The following GSG1L variants were observed in gnomAD, a reference collection of about 807,000 sequenced individuals.
GSG1L encodes GSG1 like.
Under a neutral mutation model 42.1 loss-of-function variants are expected in GSG1L, and 24 were observed. The observed-to-expected ratio is 0.57, with a 90% CI of 0.41 to 0.80. GSG1L has a LOEUF of 0.80. GSG1L is among the 30% of genes least tolerant of loss of function. The pLI is 0.00. For synonymous variants in GSG1L, 215 were observed against 203.5 expected (o/e 1.06, Z -0.48); for missense variants, 445 against 472.2 (o/e 0.94, Z 0.53).
chr16:27,924,141 C>A (rs932299400), intron 2 of GSG1L, among the ~76,000 whole-genome samples: 2 of 151,322 alleles, frequency 1.3e-5, no homozygotes, highest in Non-Finnish European at 2.9e-5. Flanking sequence ...CACATAAATG[C>A]TTATAAAAAT....
chr16:28,000,234 A>G (rs970948817), intron 1 of GSG1L, among the ~76,000 whole-genome samples: 1 of 152,218 alleles, frequency 6.6e-6, no homozygotes, highest in Admixed American at 6.5e-5. Context: ...TTGGGAGGCC[A>G]AGGTGGGAGG....
chr16:28,007,336 A>G (rs2085652818), intron 1 of GSG1L, among the ~76,000 whole-genome samples: 1 of 152,164 alleles, frequency 6.6e-6, no homozygotes, highest in Non-Finnish European at 1.5e-5. Flanking sequence ...GATACCAGAC[A>G]AGGAGTATAA....
intron 1 of GSG1L, among the ~76,000 whole-genome samples, chr16:28,016,803 A>G (rs779752767): frequency 2.7e-4 from 41 of 152,150 alleles, no homozygotes; most frequent in Admixed American, 9.2e-4. Flanking sequence ...AGAAGGGGAG[A>G]TTGACGCTCA....
chr16:27,869,354 G>A (rs904457098), intron 3 of GSG1L, among the ~76,000 whole-genome samples: 1 of 151,604 alleles, frequency 6.6e-6, no homozygotes, highest in East Asian at 1.9e-4. Flanking sequence ...TATAGCAGGT[G>A]CTCAGTAAAT....
At chr16:27,918,675 A>G (rs977906618) in intron 2 of GSG1L, among the ~76,000 whole-genome samples, 5 of 152,010 alleles carry the variant, frequency 3.3e-5, no homozygotes, top group African/African-American at 4.8e-5. Context: ...AAGAAAAAAA[A>G]AAAGAAAGAA....
At chr16:27,892,569 G>T (rs979282987) in intron 2 of GSG1L, among the ~76,000 whole-genome samples, 11 of 152,204 alleles carry the variant, frequency 7.2e-5, no homozygotes, top group African/African-American at 2.6e-4. Context: ...TTTGAGACCA[G>T]CCTGGTCAAC....
chr16:27,894,275 T>C (rs900736618), intron 2 of GSG1L, among the ~76,000 whole-genome samples: 10 of 152,242 alleles, frequency 6.6e-5, no homozygotes, highest in Non-Finnish European at 1.0e-4. Context: ...GGACAACACC[T>C]GTCCTGTCTA....
At chr16:27,796,590 C>T (rs758816100) in intron 6 of GSG1L, among the ~76,000 whole-genome samples, 4 of 152,154 alleles carry the variant, frequency 2.6e-5, no homozygotes, top group Non-Finnish European at 5.9e-5. Context: ...AATGAGTGAA[C>T]GGTGGAGGGC....
intron 4 of GSG1L, among the ~76,000 whole-genome samples, chr16:27,840,464 C>T (rs2083368020): frequency 6.6e-6 from 1 of 152,124 alleles, no homozygotes; most frequent in Admixed American, 6.5e-5. Context: ...CCATCAGGGT[C>T]CTGACCTGAC....
chr16:28,034,211 A>ACCCATCCCATCCCAT (rs58679825), intron 1 of GSG1L, among the ~76,000 whole-genome samples: 2 of 54,008 alleles, frequency 3.7e-5, no homozygotes, highest in Non-Finnish European at 6.9e-5. Flanking sequence ...TCCCATCCCA[A>ACCCATCCCATCCCAT]CCCATCCCAT....
At chr16:28,020,298 A>G (rs2085827416) in intron 1 of GSG1L, among the ~76,000 whole-genome samples, 1 of 152,172 alleles carries the variant, frequency 6.6e-6, no homozygotes, top group African/African-American at 2.4e-5. Context: ...GCTGCTATTC[A>G]TGATCATTGT....
chr16:27,886,462 G>A lies in GSG1L; in HGVS notation c.398-1824C>T, dbSNP rs570483377. Among the ~76,000 whole-genome samples, 3 of 152,204 alleles carry A rather than the reference G, an allele frequency of 2.0e-5. No homozygotes were observed. In the South Asian group the frequency reaches 6.2e-4, roughly 32 times the overall value. ...CTCAAAAAATAAAAAAATAAAATGG[G>A]GGTAATAACGCCTGTCTTGCAGTGT... On this transcript the variant is annotated intron_variant, in intron 2 of 6. Transcript: ENST00000447459.
At chr16:27,923,431 C>T (rs1391790842) in intron 2 of GSG1L, among the ~76,000 whole-genome samples, 1 of 152,188 alleles carries the variant, frequency 6.6e-6, no homozygotes, top group African/African-American at 2.4e-5. Flanking sequence ...AAATCCTCAC[C>T]AGTGCATGCA....
chr16:27,912,357 C>T (rs2084402043), intron 2 of GSG1L, among the ~76,000 whole-genome samples: 1 of 152,068 alleles, frequency 6.6e-6, no homozygotes, highest in Admixed American at 6.5e-5. Context: ...CTACTAAAAA[C>T]ATTCTTTTAA....
intron 6 of GSG1L, among the ~76,000 whole-genome samples, chr16:27,807,206 C>G (rs962292811): frequency 6.6e-6 from 1 of 152,214 alleles, no homozygotes; most frequent in African/African-American, 2.4e-5. Flanking sequence ...CTAACCCAGG[C>G]CTGGCCTTGA....
rs548287645 is a variant in GSG1L, at chr16:27,954,188, C to T, written c.397+8968G>A. On this transcript the variant is annotated intron_variant, in intron 2 of 6. Transcript: ENST00000447459. The stretch of plus-strand genomic sequence containing the variant: ...ATTGAACATGGGGCTGAACCAAAGG[C>T]CACTGCTCTCTTTCAATACCGCCAA... 8.3e-4 allele frequency among the ~76,000 whole-genome samples: 126 copies of T among 152,180 alleles called. 1 individual carries two copies. Among genetic ancestry groups the T allele is most frequent in the South Asian group, 3.7e-3 (18 of 4,806 alleles).
chr16:27,962,528 G>C (rs2085082196), intron 2 of GSG1L, among the ~76,000 whole-genome samples: 1 of 152,206 alleles, frequency 6.6e-6, no homozygotes, highest in Non-Finnish European at 1.5e-5. Flanking sequence ...TTATAAAGGA[G>C]ATAAATTTCT....
At chr16:27,823,864 G>T (rs2083176424) in intron 5 of GSG1L, 1 of 702,860 alleles carries the variant, frequency 1.4e-6, no homozygotes. Flanking sequence ...GCACTTACCA[G>T]CTGTGTGACC....
rs1180349114 is a variant in GSG1L at position 27,835,259 on chromosome 16, C to T, written c.663-6303G>A. 2.0e-5 allele frequency among the ~76,000 whole-genome samples: 3 copies of T among 152,006 alleles called. No individual in the cohort carries two copies. In the South Asian group the frequency reaches 6.2e-4, roughly 31 times the overall value. ...TGACTCTTTTATCACTATTTAATGT[C>T]TATTTCTGGTTATTTTATTTGCCTG... On this transcript the variant is annotated intron_variant, in intron 4 of 6. Coordinates refer to ENST00000447459, the MANE Select transcript of GSG1L (RefSeq NM_001109763.2).
Sources: gnomAD v4.1 joint callset for allele counts (sites outside exome capture counted in the v4.1 genomes callset) on GRCh38, gnomAD v4.1.1 for gene constraint, MANE v1.5 for transcripts, NCBI Gene and HGNC (gene_info 2026-07-23, HGNC 2026-07-21) for gene names.